The following WTAP variants were observed in gnomAD, a reference collection of about 807,000 sequenced individuals.
WTAP encodes WT1 associated protein, also known as pre-mRNA-splicing regulator WTAP.
Under a neutral mutation model 50.0 loss-of-function variants are expected in WTAP, and 8 were observed. The ratio of observed to expected loss-of-function variants is 0.16; its 90% CI spans 0.09 to 0.29. The LOEUF (loss-of-function observed/expected upper bound fraction) is 0.29. Ranked by LOEUF, WTAP falls within the 10% of genes least tolerant of loss-of-function variation. The probability of loss-of-function intolerance (pLI) is 1.00; values close to 1 mark genes in which losing one functional copy is unlikely to be tolerated. For synonymous variants in WTAP, 194 were observed against 169.0 expected (o/e 1.15, Z -1.15); for missense variants, 295 against 470.7 (o/e 0.63, Z 3.45).
upstream of WTAP, chr6:159,726,739 G>C: frequency 8.6e-6 from 11 of 1,280,082 alleles, no homozygotes; most frequent in Non-Finnish European, 1.0e-5. Context: ...GAGAACAATA[G>C]CTCCTCGATG....
intron 6 of WTAP, among the ~76,000 whole-genome samples, chr6:159,751,786 G>C (rs1779830168): frequency 6.6e-6 from 1 of 152,164 alleles, no homozygotes; most frequent in South Asian, 2.1e-4. Context: ...ATGCAGCCAG[G>C]CACGGTGGCT....
chr6:159,747,184 A>C (rs1304019240), intron 5 of WTAP, among the ~76,000 whole-genome samples: 1 of 152,216 alleles, frequency 6.6e-6, no homozygotes, highest in Non-Finnish European at 1.5e-5. Flanking sequence ...AGTATGAAGA[A>C]AATGATGAAT....
chr6:159,726,750 C>A, upstream of WTAP: 4 of 1,282,504 alleles, frequency 3.1e-6, no homozygotes, highest in Non-Finnish European at 4.1e-6. Flanking sequence ...CTCCTCGATG[C>A]GTCTCCAGAG....
chr6:159,755,482 T>C lies in WTAP; in HGVS notation c.1062T>C (p.Asn354=). The part of the protein sequence containing the change: ...GSENSLTHQS[N]DTDSSHDPQE... ...AAAACTCTCTCACACACCAATCAAA[T>C]GACACAGACTCCAGTCATGACCCTC... The change falls in exon 8 of 8, where the codon AAT becomes AAC. Residue 354 remains asparagine, a synonymous_variant. Transcript: ENST00000621533. 1 of 1,614,104 alleles carries C rather than the reference T, an allele frequency of 6.2e-7. No homozygotes were observed. Among genetic ancestry groups the C allele is most frequent in the Non-Finnish European group, 8.5e-7 (1 of 1,180,010 alleles).
At chr6:159,739,148 C>T in intron 3 of WTAP, 103 bp downstream of exon 3, 1 of 921,154 alleles carries the variant, frequency 1.1e-6, no homozygotes, top group Non-Finnish European at 1.6e-6. Context: ...TAATGTTGTT[C>T]TATCCTCAAA....
chr6:159,732,183 T>C (rs1344563799), intron 1 of WTAP, among the ~76,000 whole-genome samples: 1 of 152,162 alleles, frequency 6.6e-6, no homozygotes, highest in African/African-American at 2.4e-5. Context: ...AATCCAAATA[T>C]AAATGGACCC....
chr6:159,737,161 C>T (rs1778971530), intron 2 of WTAP, among the ~76,000 whole-genome samples: 1 of 152,088 alleles, frequency 6.6e-6, no homozygotes, highest in South Asian at 2.1e-4. Flanking sequence ...GATCATCCCA[C>T]CTCGGCCTCC....
At chr6:159,740,987 C>T (rs1035198352) in intron 3 of WTAP, among the ~76,000 whole-genome samples, 2 of 152,086 alleles carry the variant, frequency 1.3e-5, no homozygotes, top group Non-Finnish European at 2.9e-5. Context: ...CAGGCACGAG[C>T]CTTTTTGTTC....
intron 3 of WTAP, 136 bp downstream of exon 3, chr6:159,739,181 A>G: frequency 1.5e-6 from 1 of 658,240 alleles, no homozygotes. Context: ...CTTTTTGAGC[A>G]TACTATGACC....
At chr6:159,732,886 AG>A (rs1778671131) in intron 1 of WTAP, among the ~76,000 whole-genome samples, 5 of 146,380 alleles carry the variant, frequency 3.4e-5, no homozygotes, top group African/African-American at 7.8e-5. Flanking sequence ...ATATATATAT[AG>A]TGTGTGTGTG....
At chr6:159,727,430 C>T (rs1429721782), upstream of WTAP, 3 of 1,024,158 alleles carry the variant, frequency 2.9e-6, no homozygotes, top group Non-Finnish European at 3.5e-6. Context: ...GCGGCGCGTT[C>T]GGACCGGCTG....
intron 3 of WTAP, 154 bp from the exon 4 acceptor site, chr6:159,741,934 A>G (rs907919450): frequency 1.1e-5 from 6 of 569,828 alleles, no homozygotes; most frequent in Non-Finnish European, 1.8e-5. Context: ...CCTGGGGGAC[A>G]GAGCGAGACT....
upstream of WTAP, chr6:159,726,822 G>A (rs1778190530): frequency 7.8e-7 from 1 of 1,289,232 alleles, no homozygotes; most frequent in Non-Finnish European, 1.0e-6. Context: ...TGAGAGGGAA[G>A]GCATCGGTTT....
Position 159,748,272 on chromosome 6 carries a change from T to G in WTAP, c.355T>G (p.Leu119Val), listed in dbSNP as rs1414286048. Residue 119 changes from leucine to valine, a missense_variant, in exon 6 of 8, where the codon TTG (leucine) becomes GTG (valine). Leu to Val is a conservative substitution (Grantham distance 32, BLOSUM62 1). Transcript: ENST00000621533. This position sits in a 1 kb window ranked among gnomAD's most constrained non-coding sequence, Gnocchi z 5.6. ...AACAATGGTAGACCCAGCGATCAACTTGTTTTTCCTAAAAATGAAAGGTGA... is the reference window on the plus strand; with the variant it reads ...AACAATGGTAGACCCAGCGATCAACGTGTTTTTCCTAAAAATGAAAGGTGA... ...RSTMVDPAINLFFLKMKGELE... is the reference protein window; with the variant it reads ...RSTMVDPAINVFFLKMKGELE... The G allele has an allele frequency of 6.2e-7, 1 of 1,614,078 alleles. No individual in the cohort carries two copies. Among genetic ancestry groups the G allele is most frequent in the South Asian group, 1.1e-5 (1 of 91,086 alleles).
At chr6:159,726,961 AAC>A (rs1022658543), upstream of WTAP, 1 of 1,285,140 alleles carries the variant, frequency 7.8e-7, no homozygotes, top group African/African-American at 1.5e-5. Context: ...GAGCGTCACG[AAC>A]ACAGAGCGGC....
intron 1 of WTAP, among the ~76,000 whole-genome samples, chr6:159,729,780 C>CT (rs1323619045): frequency 6.6e-6 from 1 of 152,180 alleles, no homozygotes; most frequent in Non-Finnish European, 1.5e-5. Context: ...AGATTGGTGT[C>CT]TTACATTCAG....
At chr6:159,754,883 C>T in intron 7 of WTAP, 145 bp from the exon 8 acceptor site, 2 of 928,652 alleles carry the variant, frequency 2.2e-6, no homozygotes, top group South Asian at 4.6e-5. Flanking sequence ...AGATTCCAAG[C>T]AAAATTTTTA....
In WTAP at chr6:159,742,142, T is replaced by C; in HGVS notation, c.141T>C (p.Leu47=). 2 of 1,604,550 alleles carry C rather than the reference T, an allele frequency of 1.2e-6. No individual in the cohort carries two copies. Among genetic ancestry groups the C allele is most frequent in the Non-Finnish European group, 1.7e-6 (2 of 1,177,046 alleles). ...CTTTGGAGGGCAAGTACACAGATCT[T>C]AACTGTAAGTTTGAGTTTTAGCTTC... ...VQALEGKYTD[L]NSNDVTGLRE... is the part of the protein sequence containing the mutation. The change falls in exon 4 of 8, where the codon CTT becomes CTC. Residue 47 remains leucine (L), a synonymous_variant. Transcript: ENST00000621533.
chr6:159,746,459 T>G lies in WTAP; in HGVS notation c.274-1732T>G, dbSNP rs375556480. 5.9e-5 allele frequency among the ~76,000 whole-genome samples: 9 copies of G among 152,286 alleles called. No homozygotes were observed. The East Asian group carries it at 1.7e-3, about 29-fold the overall frequency. Reference sequence around the variant, plus strand: ...AGCTAAGCTTAGAAAAAATAAAATATACATCCTTAGGAATCTATTTGTGTA... The same window carrying G: ...AGCTAAGCTTAGAAAAAATAAAATAGACATCCTTAGGAATCTATTTGTGTA... On this transcript the variant is annotated intron_variant, in intron 5 of 7. Coordinates refer to ENST00000621533, the MANE Select transcript of WTAP (RefSeq NM_001270531.2).
Sources: gnomAD v4.1 joint callset for allele counts (sites outside exome capture counted in the v4.1 genomes callset) on GRCh38, gnomAD v4.1.1 for gene constraint, Gnocchi (gnomAD v3.1) non-coding constraint, MANE v1.5 for transcripts, NCBI Gene and HGNC (gene_info 2026-07-23, HGNC 2026-07-21) for gene names.